UGT1A9: variants seen among roughly 807,000 people sequenced by gnomAD.
The protein encoded by UGT1A9 is UDP glucuronosyltransferase family 1 member A9.
Under a neutral mutation model 45.0 loss-of-function variants are expected in UGT1A9, and 35 were observed. That is an observed-to-expected ratio of 0.78 (90% CI 0.59 to 1.03). UGT1A9 has a LOEUF of 1.03. UGT1A9 is among the 50% of genes least tolerant of loss of function. The pLI is 0.00. For synonymous variants in UGT1A9, 278 were observed against 250.6 expected (o/e 1.11, Z -1.03); for missense variants, 687 against 666.6 (o/e 1.03, Z -0.34).
chr2:233,721,860 C>T (rs2076977030), intron 1 of UGT1A9: 1 of 507,874 alleles, frequency 2.0e-6, no homozygotes, highest in Non-Finnish European at 3.9e-6. Flanking sequence ...ACTGCTCGGC[C>T]CTGGGCACAC....
At chr2:233,738,284 C>T (rs1690749854) in intron 1 of UGT1A9, among the ~76,000 whole-genome samples, 1 of 152,160 alleles carries the variant, frequency 6.6e-6, no homozygotes, top group Non-Finnish European at 1.5e-5. Context: ...TTATAAATTA[C>T]CCAGTCTTGG....
intron 1 of UGT1A9, chr2:233,760,357 G>A (rs1697415689): frequency 6.2e-7 from 1 of 1,613,982 alleles, no homozygotes; most frequent in African/African-American, 1.3e-5. Flanking sequence ...GGGCCCAGTG[G>A]TGTCCCATGC....
chr2:233,682,502 T>C lies in UGT1A9; in HGVS notation c.855+9713T>C, dbSNP rs773379672. On this transcript the variant is annotated intron_variant, in intron 1 of 4. Transcript: ENST00000354728. Reference sequence around the variant, plus strand: ...TGCACAGTGCCCTGCTCCTCTTTCCTATGTCCCCAGACTTCTCTTAGGGTT... The same window carrying C: ...TGCACAGTGCCCTGCTCCTCTTTCCCATGTCCCCAGACTTCTCTTAGGGTT... 2.2e-5 allele frequency: 35 copies of C among 1,613,870 alleles called. No individual in the cohort carries two copies. Among genetic ancestry groups the C allele is most frequent in the Non-Finnish European group, 2.9e-5 (34 of 1,179,872 alleles).
intron 2 of UGT1A9, 103 bp from the exon 3 acceptor site, chr2:233,767,746 A>G (rs1269401537): frequency 1.3e-6 from 2 of 1,589,042 alleles, no homozygotes; most frequent in Non-Finnish European, 1.7e-6. Flanking sequence ...TCTGTTAAAG[A>G]CTGTTCCTTC....
intron 1 of UGT1A9, chr2:233,729,500 A>G (rs761749165): frequency 6.2e-7 from 1 of 1,614,228 alleles, no homozygotes; most frequent in African/African-American, 1.3e-5. Flanking sequence ...TTGGTCTATC[A>G]TAGGTCTTGT....
chr2:233,736,731 G>A (rs2078799563), intron 1 of UGT1A9, among the ~76,000 whole-genome samples: 1 of 151,600 alleles, frequency 6.6e-6, no homozygotes, highest in Non-Finnish European at 1.5e-5. Context: ...TGATGTTTAT[G>A]CTGTTCCTTT....
rs3064744 is a variant in UGT1A9, at chr2:233,760,233, C to CATAT, written c.856-6789_856-6786dup. ...ACTTGGTGTATCGATTGGTTTTTGCCATATATATATATATAAGTAGGAGAG... is the reference window on the plus strand; with the variant it reads ...ACTTGGTGTATCGATTGGTTTTTGCCATATATATATATATATATAAGTAGGAGAG... On this transcript the variant is annotated intron_variant, in intron 1 of 4. Coordinates refer to ENST00000354728, the MANE Select transcript of UGT1A9 (RefSeq NM_021027.3). 3.8e-3 allele frequency: 5,602 copies of CATAT among 1,482,566 alleles called. 51 individuals are homozygous for CATAT. The African/African-American group carries it at 0.05, about 13-fold the overall frequency. The allele number at this position is 1,482,566 out of a possible 1,614,324, so 91.8% of individuals were successfully genotyped here.
At chr2:233,674,613 C>G (rs1266868243) in intron 1 of UGT1A9, among the ~76,000 whole-genome samples, 1 of 151,310 alleles carries the variant, frequency 6.6e-6, no homozygotes, top group East Asian at 1.9e-4. Flanking sequence ...AAACATCAAA[C>G]TATATATGGT....
intron 1 of UGT1A9, chr2:233,693,537 T>G: frequency 6.2e-7 from 1 of 1,614,218 alleles, no homozygotes; most frequent in Non-Finnish European, 8.5e-7. Flanking sequence ...CCGTGTTCCC[T>G]GGAGCATACA....
chr2:233,729,665 T>C, intron 1 of UGT1A9: 1 of 1,613,966 alleles, frequency 6.2e-7, no homozygotes, highest in Non-Finnish European at 8.5e-7. Context: ...CCATGTGATT[T>C]AGACTTTAAG....
intron 1 of UGT1A9, among the ~76,000 whole-genome samples, chr2:233,688,667 T>A (rs1207441299): frequency 6.6e-6 from 1 of 152,216 alleles, no homozygotes; most frequent in Non-Finnish European, 1.5e-5. Flanking sequence ...TGCAGCTGGC[T>A]CTTTTTTAAA....
chr2:233,721,385 T>G (rs1270224994), intron 1 of UGT1A9: 1 of 152,820 alleles, frequency 6.5e-6, no homozygotes, highest in Admixed American at 6.5e-5. Context: ...TTCACTCTCA[T>G]TTTTCTAGCT....
intron 1 of UGT1A9, among the ~76,000 whole-genome samples, chr2:233,757,149 G>T (rs1696420476): frequency 6.6e-6 from 1 of 151,394 alleles, no homozygotes; most frequent in South Asian, 2.1e-4. Flanking sequence ...CAGGTGGGCT[G>T]GGGTCTATCC....
chr2:233,755,169 T>C lies in UGT1A9; in HGVS notation c.856-11865T>C, dbSNP rs555147500. 5.0e-4 allele frequency: 628 copies of C among 1,267,204 alleles called. 1 individual carries two copies. The highest frequency in any genetic ancestry group is 1.5e-3 in the Admixed American group (80 of 52,468). The allele number at this position is 1,267,204 out of a possible 1,614,324, so 78.5% of individuals were successfully genotyped here. The stretch of plus-strand genomic sequence containing the variant: ...CGCTTCCTCCCTGTCCTCGGGGTTT[T>C]TGTCGGGGTGCCACTTGAGCGCCAG... On this transcript the variant is annotated intron_variant, in intron 1 of 4. Transcript: ENST00000354728.
rs571994847 is a variant in UGT1A9, at chr2:233,706,057, T to G, written c.855+33268T>G. 5.9e-5 allele frequency among the ~76,000 whole-genome samples: 9 copies of G among 152,276 alleles called. No individual in the cohort carries two copies. The South Asian group carries it at 1.9e-3, about 32-fold the overall frequency. On this transcript the variant is annotated intron_variant, in intron 1 of 4. Transcript: ENST00000354728. ...TTGCAGTGAGCCGAGATCACGCCAC[T>G]GCATGCCAGCCTGGGTGACAGAGCT... is the stretch of plus-strand genomic sequence containing the variant.
chr2:233,737,416 C>T (rs1321045619), intron 1 of UGT1A9, among the ~76,000 whole-genome samples: 5 of 152,210 alleles, frequency 3.3e-5, no homozygotes, highest in Non-Finnish European at 7.3e-5. Context: ...TTGGGAAAAG[C>T]ACAGTATTTG....
Position 233,769,517 on chromosome 2 carries a change from G to C in UGT1A9, c.1295+1078G>C. The C allele has an allele frequency of 6.2e-7, 1 of 1,612,844 alleles. No individual in the cohort carries two copies. The highest frequency in any genetic ancestry group is 8.5e-7 in the Non-Finnish European group (1 of 1,179,874). On this transcript the variant is annotated intron_variant, in intron 4 of 4. Coordinates refer to ENST00000354728, the MANE Select transcript of UGT1A9 (RefSeq NM_021027.3). This position sits in a 1 kb window ranked among gnomAD's most constrained non-coding sequence, Gnocchi z 4.4. ...AGAGTGTCCATTGCTTTCTCCCATG[G>C]TTACCTCCTTTAGAAAGAAGCAGCA...
chr2:233,769,824 C>A lies in UGT1A9; in HGVS notation c.1295+1385C>A. On this transcript the variant is annotated intron_variant, in intron 4 of 4. Transcript: ENST00000354728. This position sits in a 1 kb window ranked among gnomAD's most constrained non-coding sequence, Gnocchi z 4.4. The stretch of plus-strand genomic sequence containing the variant: ...GAGCCGTGATCATGCCACTGCACTC[C>A]AGCAACCTGGGCAACAGAGTGAGAC... 2 of 763,338 alleles carry A rather than the reference C, an allele frequency of 2.6e-6. No homozygotes were observed. The highest frequency in any genetic ancestry group is 3.7e-6 in the Non-Finnish European group (2 of 534,878). The allele number at this position is 763,338 out of a possible 1,614,324, so 47.3% of individuals were successfully genotyped here. A position where few individuals can be genotyped will look rare whatever the true frequency, so the allele number is the denominator to read the frequency against.
chr2:233,725,264 GGAGGCA>G lies in UGT1A9; in HGVS notation c.856-41722_856-41717del, dbSNP rs551912265. ...CAGAGGCAGAGGAGGCAGAGGCAGA[GGAGGCA>G]GAGGCAGAGGCAGAGGCAGAGGCAG... On this transcript the variant is annotated intron_variant, in intron 1 of 4. Transcript: ENST00000354728. Among the ~76,000 whole-genome samples, 500 of 58,540 alleles carry G rather than the reference GGAGGCA, an allele frequency of 8.5e-3. 122 individuals carry two copies. Among genetic ancestry groups the G allele is most frequent in the East Asian group, 0.035 (117 of 3,306 alleles). 38.4% of individuals were successfully genotyped at this position (58,540 alleles called of 152,430 possible). A position where few individuals can be genotyped will look rare whatever the true frequency, so the allele number is the denominator to read the frequency against.
Sources: allele counts gnomAD v4.1 joint callset (sites outside exome capture counted in the v4.1 genomes callset), GRCh38; gene constraint gnomAD v4.1.1; non-coding constraint Gnocchi (gnomAD v3.1); transcripts MANE v1.5; gene names NCBI Gene and HGNC (gene_info 2026-07-23, HGNC 2026-07-21).